SLIT3: variants seen among roughly 807,000 people sequenced by gnomAD.
SLIT3 encodes the protein slit guidance ligand 3.
SLIT3 carries 68 observed loss-of-function variants against 184.0 expected under a neutral mutation model. The observed-to-expected ratio is 0.37, with a 90% CI of 0.30 to 0.45. SLIT3 has a LOEUF of 0.45. Ranked by LOEUF, SLIT3 falls within the 20% of genes least tolerant of loss-of-function variation. SLIT3 has a pLI of 1.00. For missense variants in SLIT3, 1,707 were observed against 2,026.0 expected, an observed-to-expected ratio of 0.84 and a Z score of 3.02; for synonymous variants, 831 against 828.6, an observed-to-expected ratio of 1.00 and a Z score of -0.05.
intron 20 of SLIT3, among the ~76,000 whole-genome samples, chr5:168,743,640 T>G (rs147685795): frequency 6.9e-4 from 105 of 152,324 alleles, no homozygotes; most frequent in African/African-American, 2.2e-3. Flanking sequence ...TCTCTCACTT[T>G]AAATCAAAAG....
intron 4 of SLIT3, among the ~76,000 whole-genome samples, chr5:168,957,411 G>C (rs2068316721): frequency 1.3e-5 from 2 of 152,098 alleles, no homozygotes; most frequent in African/African-American, 2.4e-5. Flanking sequence ...GCTGTGAAAG[G>C]CTTCGTGTTT....
chr5:169,102,186 CAT>C (rs532326850), intron 4 of SLIT3, among the ~76,000 whole-genome samples: 258 of 152,272 alleles, frequency 1.7e-3, no homozygotes, highest in African/African-American at 5.9e-3. Context: ...TAAAAGGAAA[CAT>C]GTGTGTTGGG....
chr5:169,056,357 C>CCAGT lies in SLIT3; in HGVS notation c.413+137118_413+137121dup, dbSNP rs557127153. Reference sequence around the variant, plus strand: ...TCCAAAAGATTCCTCAATTATTATGCCAGTTTTTGTTCCTTCTGCAGTCCA... The same window carrying CCAGT: ...TCCAAAAGATTCCTCAATTATTATGCCAGTCAGTTTTTGTTCCTTCTGCAGTCCA... On this transcript the variant is annotated intron_variant, in intron 4 of 35. Transcript: ENST00000519560. Among the ~76,000 whole-genome samples, 8 of 152,240 alleles carry CCAGT rather than the reference C, an allele frequency of 5.3e-5. No individual in the cohort carries two copies. In the South Asian group the frequency reaches 1.7e-3, roughly 32 times the overall value.
chr5:168,778,186 G>A (rs906841111), intron 12 of SLIT3, among the ~76,000 whole-genome samples: 1 of 152,154 alleles, frequency 6.6e-6, no homozygotes, highest in Non-Finnish European at 1.5e-5. Flanking sequence ...ATCTCTGTGT[G>A]CTTTTCCCAC....
chr5:169,104,882 G>C (rs762869519), intron 4 of SLIT3, among the ~76,000 whole-genome samples: 1 of 152,110 alleles, frequency 6.6e-6, no homozygotes, highest in Non-Finnish European at 1.5e-5. Flanking sequence ...CCACATTCTG[G>C]GTCTGCCCTT....
chr5:168,865,122 A>C (rs1468552486), intron 5 of SLIT3, among the ~76,000 whole-genome samples: 1 of 150,256 alleles, frequency 6.7e-6, no homozygotes, highest in African/African-American at 2.5e-5. Context: ...GCAGTGAGCC[A>C]AGATTGTGCC....
At chr5:169,043,361 A>G (rs539445892) in intron 4 of SLIT3, among the ~76,000 whole-genome samples, 7 of 152,344 alleles carry the variant, frequency 4.6e-5, no homozygotes, top group African/African-American at 1.7e-4. Context: ...CAACATATCC[A>G]CAGATTACCC....
intron 8 of SLIT3, among the ~76,000 whole-genome samples, 167 bp downstream of exon 8, chr5:168,817,133 A>G (rs941903538): frequency 2.0e-5 from 3 of 152,176 alleles, no homozygotes; most frequent in Non-Finnish European, 4.4e-5. Flanking sequence ...CCTTTGAGGC[A>G]CGTCACAGTT....
chr5:169,116,237 T>G (rs1261500580), intron 4 of SLIT3, among the ~76,000 whole-genome samples: 1 of 152,156 alleles, frequency 6.6e-6, no homozygotes, highest in African/African-American at 2.4e-5. Context: ...TGCAGGGCAG[T>G]CCGGGCAAAG....
Position 168,666,173 on chromosome 5 carries a change from A to AACAAATACACAAC in SLIT3, c.*268_*280dup, listed in dbSNP as rs1285978529. 3.6e-6 allele frequency: 1 copy of AACAAATACACAAC among 276,422 alleles called. No individual in the cohort carries two copies. The highest frequency in any genetic ancestry group is 5.2e-5 in the Admixed American group (1 of 19,290). 17.1% of individuals were successfully genotyped at this position (276,422 alleles called of 1,614,324 possible). ...TTTAAACAGCTATTTTTAAAAACAC[A>AACAAATACACAAC]ACAAATACACAACACAAAACTTGGT... On this transcript the variant is annotated 3_prime_UTR_variant, in exon 36 of 36. Transcript: ENST00000519560.
intron 7 of SLIT3, among the ~76,000 whole-genome samples, chr5:168,817,943 G>T (rs552183415): frequency 6.7e-6 from 1 of 150,050 alleles, no homozygotes; most frequent in East Asian, 1.9e-4. Flanking sequence ...GTTGTTCTTC[G>T]TTCCCCCGCT....
intron 4 of SLIT3, among the ~76,000 whole-genome samples, chr5:169,069,659 A>C (rs897631894): frequency 8.5e-5 from 13 of 152,190 alleles, no homozygotes; most frequent in Non-Finnish European, 1.3e-4. Context: ...TATTATGTGC[A>C]AATGTTTATA....
At chr5:169,268,154 C>G (rs761164050) in intron 1 of SLIT3, among the ~76,000 whole-genome samples, 5 of 152,134 alleles carry the variant, frequency 3.3e-5, no homozygotes, top group African/African-American at 1.2e-4. Context: ...TAATTTGATG[C>G]ACATTTGGGA....
chr5:169,268,138 A>G (rs1561777591), intron 1 of SLIT3, among the ~76,000 whole-genome samples: 1 of 152,164 alleles, frequency 6.6e-6, no homozygotes, highest in Admixed American at 6.5e-5. Context: ...TGCCCTAATA[A>G]CTCTTTAATT....
At chr5:169,202,087 G>T (rs146062179) in intron 3 of SLIT3, among the ~76,000 whole-genome samples, 1 of 152,094 alleles carries the variant, frequency 6.6e-6, no homozygotes, top group Non-Finnish European at 1.5e-5. Context: ...CAAAGAATTA[G>T]CTGAGCATGG....
intron 3 of SLIT3, among the ~76,000 whole-genome samples, chr5:169,199,303 G>A (rs926914599): frequency 3.3e-5 from 5 of 151,892 alleles, no homozygotes; most frequent in Admixed American, 2.6e-4. Context: ...GAGAAGTGAG[G>A]TATAATCGGC....
At chr5:169,017,146 T>A (rs1756415044) in intron 4 of SLIT3, among the ~76,000 whole-genome samples, 1 of 152,246 alleles carries the variant, frequency 6.6e-6, no homozygotes, top group Non-Finnish European at 1.5e-5. Flanking sequence ...TTATGGATCT[T>A]CAGTTAAAAT....
chr5:169,065,316 GAAT>G (rs1391152340), intron 4 of SLIT3, among the ~76,000 whole-genome samples: 1 of 152,062 alleles, frequency 6.6e-6, no homozygotes, highest in Admixed American at 6.6e-5. Flanking sequence ...CAGCCTGCTA[GAAT>G]AAAAAAAAGA....
chr5:168,815,850 A>G (rs1041473525), intron 8 of SLIT3, among the ~76,000 whole-genome samples: 2 of 152,152 alleles, frequency 1.3e-5, no homozygotes, highest in Non-Finnish European at 2.9e-5. Flanking sequence ...ACCCTTTAGT[A>G]CTAAAGGTGG....
Sources: gnomAD v4.1 joint callset for allele counts (sites outside exome capture counted in the v4.1 genomes callset) on GRCh38, gnomAD v4.1.1 for gene constraint, MANE v1.5 for transcripts, NCBI Gene and HGNC (gene_info 2026-07-23, HGNC 2026-07-21) for gene names.